The following VOPP1 variants were observed in gnomAD, a reference collection of about 807,000 sequenced individuals.
The protein encoded by VOPP1 is VOPP1 WW domain binding protein, also known as WW domain binding protein VOPP1.
A neutral mutation model predicts 23.5 loss-of-function variants in VOPP1; 8 were observed. That is an observed-to-expected ratio of 0.34 (90% CI 0.20 to 0.61). The LOEUF is 0.61. Ranked by LOEUF, VOPP1 falls within the 20% of genes least tolerant of loss-of-function variation. VOPP1 has a pLI of 0.78. For missense variants in VOPP1, 174 were observed against 238.1 expected, an observed-to-expected ratio of 0.73 and a Z score of 1.77; for synonymous variants, 83 against 97.3, an observed-to-expected ratio of 0.85 and a Z score of 0.86.
intron 1 of VOPP1, among the ~76,000 whole-genome samples, chr7:55,564,809 A>G (rs1378118801): frequency 6.6e-6 from 1 of 152,196 alleles, no homozygotes; most frequent in Non-Finnish European, 1.5e-5. Flanking sequence ...GGCCTCCAGC[A>G]ACACTGAGGG....
At chr7:55,565,950 C>T (rs941660414) in intron 1 of VOPP1, among the ~76,000 whole-genome samples, 1 of 152,196 alleles carries the variant, frequency 6.6e-6, no homozygotes, top group Non-Finnish European at 1.5e-5. Context: ...CCCCAGCCCA[C>T]TTAACACTGG....
chr7:55,566,589 A>G (rs1343862535), intron 1 of VOPP1, among the ~76,000 whole-genome samples: 3 of 152,214 alleles, frequency 2.0e-5, no homozygotes, highest in Non-Finnish European at 4.4e-5. Context: ...TTAAAATAAA[A>G]TAAAATGAGT....
At chr7:55,455,680 C>A (rs1791348261) in intron 4 of VOPP1, among the ~76,000 whole-genome samples, 1 of 152,160 alleles carries the variant, frequency 6.6e-6, no homozygotes, top group Non-Finnish European at 1.5e-5. Flanking sequence ...TTTCACAAAT[C>A]TGACAAAAAT....
chr7:55,438,025 G>C (rs766318287), intron 4 of VOPP1, among the ~76,000 whole-genome samples: 5 of 151,892 alleles, frequency 3.3e-5, no homozygotes, highest in Non-Finnish European at 7.4e-5. Context: ...CTCCCAAGTA[G>C]CTGGGATTAC....
At position 55,473,013 on chromosome 7, in the gene VOPP1, C is replaced by T. The variant is rs757612089; in HGVS notation, c.361G>A (p.Asp121Asn). The T allele has an allele frequency of 1.3e-5, 21 of 1,597,926 alleles. No individual in the cohort carries two copies. Among genetic ancestry groups the T allele is most frequent in the Non-Finnish European group, 1.7e-5 (20 of 1,173,678 alleles). Residue 121 changes from aspartate (D) to asparagine (N), a missense_variant, in exon 5 of 5, where the codon GAC (aspartate) becomes AAC (asparagine). By Grantham distance (23) the Asp-to-Asn change is conservative. Transcript: ENST00000285279. Reference sequence around the variant, plus strand: ...GGGTTCATCCCCGGTCCTCCTGGGTCGGTGTAATAGGGCGGCCCCGGCTGC... The same window carrying T: ...GGGTTCATCCCCGGTCCTCCTGGGTTGGTGTAATAGGGCGGCCCCGGCTGC... ...AQQPGPPYYT[D>N]PGGPGMNPVG...
At chr7:55,439,291 G>A (rs1249941819) in intron 4 of VOPP1, among the ~76,000 whole-genome samples, 1 of 152,048 alleles carries the variant, frequency 6.6e-6, no homozygotes, top group Non-Finnish European at 1.5e-5. Flanking sequence ...CTGTTTCCCT[G>A]GAAGCCGTGT....
At chr7:55,521,242 A>C in intron 1 of VOPP1, 112 bp from the exon 2 acceptor site, 1 of 1,127,754 alleles carries the variant, frequency 8.9e-7, no homozygotes, top group Non-Finnish European at 1.3e-6. Flanking sequence ...ACCCATGAAA[A>C]GCTGGGATAT....
At chr7:55,490,995 G>A (rs1352382700) in intron 4 of VOPP1, among the ~76,000 whole-genome samples, 1 of 152,196 alleles carries the variant, frequency 6.6e-6, no homozygotes, top group African/African-American at 2.4e-5. Context: ...ACAGAAGAGA[G>A]AAGATAATTT....
intron 1 of VOPP1, among the ~76,000 whole-genome samples, chr7:55,566,280 T>C (rs1363387933): frequency 6.6e-6 from 1 of 152,164 alleles, no homozygotes; most frequent in Non-Finnish European, 1.5e-5. Context: ...GACTGTCTTA[T>C]GTGCATTATA....
At chr7:55,458,260 T>C (rs1401026654) in intron 4 of VOPP1, among the ~76,000 whole-genome samples, 1 of 152,204 alleles carries the variant, frequency 6.6e-6, no homozygotes, top group Non-Finnish European at 1.5e-5. Context: ...TTCTGGGTTT[T>C]CTATTCTGTT....
At chr7:55,479,580 C>T (rs189243066) in intron 4 of VOPP1, among the ~76,000 whole-genome samples, 1 of 152,216 alleles carries the variant, frequency 6.6e-6, no homozygotes, top group African/African-American at 2.4e-5. Flanking sequence ...TTTGTTTCTC[C>T]TTCCTGATGG....
chr7:55,466,046 G>A (rs1355395879), downstream of VOPP1, among the ~76,000 whole-genome samples: 1 of 152,052 alleles, frequency 6.6e-6, no homozygotes, highest in Non-Finnish European at 1.5e-5. Flanking sequence ...GGGATTAGTG[G>A]CCCCAGAGAG....
intron 1 of VOPP1, among the ~76,000 whole-genome samples, chr7:55,528,593 G>GA (rs1372404233): frequency 6.6e-6 from 1 of 151,858 alleles, no homozygotes; most frequent in Admixed American, 6.6e-5. Context: ...GCTGAGGCAG[G>GA]AAAAATCACT....
intron 1 of VOPP1, chr7:55,521,677 G>T: frequency 1.0e-6 from 1 of 987,380 alleles, no homozygotes; most frequent in African/African-American, 1.7e-5. Flanking sequence ...CCTCTCCTGG[G>T]CTTTCCAGGT....
chr7:55,450,017 C>T (rs1442843062), intron 4 of VOPP1, among the ~76,000 whole-genome samples: 1 of 152,198 alleles, frequency 6.6e-6, no homozygotes, highest in Non-Finnish European at 1.5e-5. Flanking sequence ...GATTTCTGCC[C>T]TCTGTCCGCA....
At chr7:55,563,907 T>C (rs952536369) in intron 1 of VOPP1, among the ~76,000 whole-genome samples, 4 of 152,150 alleles carry the variant, frequency 2.6e-5, no homozygotes, top group Non-Finnish European at 4.4e-5. Flanking sequence ...AGCCAAAATT[T>C]TGACAACCTT....
At chr7:55,560,166 A>C (rs1797939519) in intron 1 of VOPP1, among the ~76,000 whole-genome samples, 1 of 152,100 alleles carries the variant, frequency 6.6e-6, no homozygotes, top group Non-Finnish European at 1.5e-5. Context: ...CAACAAACGA[A>C]AACAAAAAAA....
In VOPP1 at chr7:55,525,489, C is replaced by CA. The variant is rs535700902; in HGVS notation, c.55-4360dup. 5.3e-3 allele frequency among the ~76,000 whole-genome samples: 588 copies of CA among 111,174 alleles called. 3 individuals carry two copies. The highest frequency in any genetic ancestry group is 0.033 in the Middle Eastern group (7 of 212). 72.9% of individuals were successfully genotyped at this position (111,174 alleles called of 152,430 possible). ...GGGCGACAGAGCGAGACTCCGTCTC[C>CA]AAAAAAAAAAAAAAAGAGTACAGAC... is the stretch of plus-strand genomic sequence containing the variant. On this transcript the variant is annotated intron_variant, in intron 1 of 4. Transcript: ENST00000285279.
chr7:55,507,081 G>A (rs1336476057), intron 2 of VOPP1, among the ~76,000 whole-genome samples: 4 of 152,226 alleles, frequency 2.6e-5, no homozygotes, highest in Non-Finnish European at 4.4e-5. Flanking sequence ...GAATGAGGCA[G>A]CAGAAGTCCC....
Sources: gnomAD v4.1 joint callset for allele counts (sites outside exome capture counted in the v4.1 genomes callset) on GRCh38, gnomAD v4.1.1 for gene constraint, MANE v1.5 for transcripts, NCBI Gene and HGNC (gene_info 2026-07-23, HGNC 2026-07-21) for gene names.